The following MYOM2 variants were observed in gnomAD, a reference collection of about 807,000 sequenced individuals.
MYOM2 encodes the protein myomesin-2.
Under a neutral mutation model 187.6 loss-of-function variants are expected in MYOM2, and 254 were observed. That is an observed-to-expected ratio of 1.35 (90% confidence interval 1.22 to 1.50). The LOEUF (loss-of-function observed/expected upper bound fraction) is 1.50, where lower values mean the gene tolerates loss of function less well. Among genes scored for constraint, MYOM2 ranks in the 40% most tolerant of loss-of-function variants. The pLI, the probability that MYOM2 is intolerant of heterozygous loss-of-function variation, is 0.00. For synonymous variants in MYOM2, 981 were observed against 753.8 expected (o/e 1.30, Z -4.94); for missense variants, 2,796 against 1,924.0 (o/e 1.45, Z -8.48).
chr8:2,126,421 A>C (rs1387175522), intron 31 of MYOM2, among the ~76,000 whole-genome samples: 1 of 143,002 alleles, frequency 7.0e-6, no homozygotes, highest in Non-Finnish European at 1.5e-5. Flanking sequence ...TTTCCCACTC[A>C]GACATACACA....
At chr8:2,068,890 G>A (rs1819117061) in intron 6 of MYOM2, among the ~76,000 whole-genome samples, 2 of 152,324 alleles carry the variant, frequency 1.3e-5, no homozygotes, top group Non-Finnish European at 2.9e-5. Context: ...ATCACGACTG[G>A]TTCTGCTGGA....
chr8:2,119,906 C>T (rs1797369223), intron 28 of MYOM2, among the ~76,000 whole-genome samples: 2 of 151,932 alleles, frequency 1.3e-5, no homozygotes, highest in African/African-American at 4.8e-5. Flanking sequence ...AAAACCAGGG[C>T]AGAGCAAGCG....
chr8:2,100,523 G>A, intron 19 of MYOM2: 1 of 257,856 alleles, frequency 3.9e-6, no homozygotes, highest in Admixed American at 4.7e-5. Context: ...CTGAGTGACT[G>A]TGACTGCCAG....
chr8:2,073,412 C>G lies in MYOM2; in HGVS notation c.1032C>G (p.His344Gln). ...GEGQASLSFS[H>Q]LHKDDEGLYT... ...GCCAGGCCTCCCTGTCCTTCAGCCA[C>G]CTGCACAAGGACGACGAGGGCCTGT... The change falls in exon 10 of 37, where the codon CAC (histidine) becomes CAG (glutamine). Residue 344 changes from histidine (H) to glutamine (Q), a missense_variant. His to Gln is a conservative substitution (Grantham distance 24, BLOSUM62 0). Coordinates refer to ENST00000262113, the MANE Select transcript of MYOM2 (RefSeq NM_003970.4). 6.2e-7 allele frequency: 1 copy of G among 1,613,318 alleles called. No homozygotes were observed. Among genetic ancestry groups the G allele is most frequent in the South Asian group, 1.1e-5 (1 of 90,920 alleles).
intron 14 of MYOM2, among the ~76,000 whole-genome samples, chr8:2,089,237 T>TTTTTTTTTTTTTGAGACGG (rs1796209552): frequency 6.6e-6 from 1 of 151,908 alleles, no homozygotes; most frequent in Non-Finnish European, 1.5e-5. Flanking sequence ...TCAAGGTTTT[T>TTTTTTTTTTTTTGAGACGG]AAAGTAATTA....
chr8:2,104,603 TAA>T (rs551349219), intron 21 of MYOM2, among the ~76,000 whole-genome samples: 10 of 141,196 alleles, frequency 7.1e-5, no homozygotes, highest in Non-Finnish European at 7.8e-5. Context: ...AGACTCCATT[TAA>T]AAAAAAAAAA....
chr8:2,057,391 C>A lies in MYOM2; in HGVS notation c.307C>A (p.Arg103Ser), dbSNP rs1035230559. 31 of 1,613,728 alleles carry A rather than the reference C, an allele frequency of 1.9e-5. No homozygotes were observed. The highest frequency in any genetic ancestry group is 2.5e-5 in the Non-Finnish European group (30 of 1,179,952). The change falls in exon 4 of 37, where the codon CGC becomes AGC. Residue 103 changes from arginine (R) to serine (S), a missense_variant. Transcript: ENST00000262113. ...VAAYGEAKRQ[R>S]FLSELAHLEE... Reference sequence around the variant, plus strand: ...CGCCTATGGTGAGGCCAAGCGACAGCGCTTCCTCAGCGAGCTGGCCCACTT... The same window carrying A: ...CGCCTATGGTGAGGCCAAGCGACAGAGCTTCCTCAGCGAGCTGGCCCACTT...
In MYOM2 at chr8:2,079,558, A is replaced by C. The variant is rs867628214; in HGVS notation, c.1463-2A>C. The C allele has an allele frequency of 6.2e-7, 1 of 1,614,128 alleles. No homozygotes were observed. Among genetic ancestry groups the C allele is most frequent in the Non-Finnish European group, 8.5e-7 (1 of 1,179,998 alleles). On this transcript the variant is annotated splice_acceptor_variant, in intron 12 of 36. Transcript: ENST00000262113. LOFTEE classifies it high-confidence loss of function. ...ATCGAGTGTCAACCTTTCTCTCCGC[A>C]GCCGTTCATTTGGAGGGAGAGAAGG...
chr8:2,058,978 A>G (rs1169237890), intron 5 of MYOM2, among the ~76,000 whole-genome samples, 175 bp from the exon 6 acceptor site: 1 of 152,232 alleles, frequency 6.6e-6, no homozygotes, highest in Non-Finnish European at 1.5e-5. Context: ...TCGCCTTAGA[A>G]AGCAAAACCA....
intron 18 of MYOM2, among the ~76,000 whole-genome samples, chr8:2,098,504 G>A (rs1401308220): frequency 2.6e-5 from 4 of 152,158 alleles, no homozygotes; most frequent in Admixed American, 6.5e-5. Context: ...CTGTTTCCTC[G>A]AAGCCTCCGC....
chr8:2,142,548 T>C, intron 35 of MYOM2, 151 bp downstream of exon 35: 1 of 793,734 alleles, frequency 1.3e-6, no homozygotes, highest in East Asian at 2.5e-5. Flanking sequence ...CACCCTGTCC[T>C]GGAGCCCCAT....
chr8:2,072,560 G>A (rs755963143), intron 9 of MYOM2, 51 bp downstream of exon 9: 11 of 1,570,672 alleles, frequency 7.0e-6, no homozygotes, highest in Admixed American at 3.6e-5. Flanking sequence ...GCTTTTGGAC[G>A]GAAATGTCCT....
intron 13 of MYOM2, 107 bp downstream of exon 13, chr8:2,079,720 G>A: frequency 8.1e-7 from 1 of 1,233,376 alleles, no homozygotes; most frequent in Non-Finnish European, 1.2e-6. Flanking sequence ...CACGGCCTCT[G>A]CATGGAAAAA....
chr8:2,136,939 G>A (rs1430382405), intron 32 of MYOM2, among the ~76,000 whole-genome samples: 1 of 152,094 alleles, frequency 6.6e-6, no homozygotes, highest in Non-Finnish European at 1.5e-5. Flanking sequence ...AATTTCACCT[G>A]TTGGACAAAG....
intron 31 of MYOM2, among the ~76,000 whole-genome samples, chr8:2,126,431 A>G (rs948245093): frequency 2.1e-5 from 3 of 144,786 alleles, no homozygotes; most frequent in Non-Finnish European, 4.5e-5. Flanking sequence ...AGACATACAC[A>G]CACACTGACA....
intron 6 of MYOM2, among the ~76,000 whole-genome samples, chr8:2,065,529 C>G (rs1011697180): frequency 1.3e-5 from 2 of 152,292 alleles, no homozygotes; most frequent in South Asian, 4.2e-4. Context: ...AAGATCACGC[C>G]ACTGCACTTC....
chr8:2,066,984 C>T (rs986848358), intron 6 of MYOM2, among the ~76,000 whole-genome samples: 10 of 152,162 alleles, frequency 6.6e-5, no homozygotes, highest in African/African-American at 2.4e-4. Context: ...GAAAATCTAC[C>T]CAGACTGGGC....
At chr8:2,049,972 G>A (rs949299925) in intron 1 of MYOM2, among the ~76,000 whole-genome samples, 3 of 152,052 alleles carry the variant, frequency 2.0e-5, no homozygotes, top group African/African-American at 7.2e-5. Flanking sequence ...CACTTTTCCT[G>A]CTCACCTCCT....
intron 1 of MYOM2, among the ~76,000 whole-genome samples, chr8:2,048,389 C>A (rs1316992779): frequency 6.6e-6 from 1 of 152,244 alleles, no homozygotes; most frequent in Non-Finnish European, 1.5e-5. Flanking sequence ...GGAAGCGTTT[C>A]TTGAAGATCC....
Sources: allele counts gnomAD v4.1 joint callset (sites outside exome capture counted in the v4.1 genomes callset), GRCh38; gene constraint gnomAD v4.1.1; transcripts MANE v1.5; gene names NCBI Gene and HGNC (gene_info 2026-07-23, HGNC 2026-07-21).